ZNF483: variants seen among roughly 807,000 people sequenced by gnomAD.
ZNF483 encodes zinc finger protein HIT-10.
In ZNF483, 9 loss-of-function variants were observed where a neutral mutation model predicts 28.6. The ratio of observed to expected loss-of-function variants is 0.32; its 90% CI spans 0.19 to 0.55. The LOEUF (loss-of-function observed/expected upper bound fraction) is 0.55. Ranked by LOEUF, ZNF483 falls within the 20% of genes least tolerant of loss-of-function variation. The pLI is 0.93. For missense variants in ZNF483, 675 were observed against 871.7 expected, an observed-to-expected ratio of 0.77 and a Z score of 2.84; for synonymous variants, 322 against 306.2, an observed-to-expected ratio of 1.05 and a Z score of -0.54.
chr9:111,565,634 C>T (rs1324479158), intron 5 of ZNF483, among the ~76,000 whole-genome samples: 2 of 152,088 alleles, frequency 1.3e-5, no homozygotes. Context: ...GGTGATCCTC[C>T]CACCTCAGCC....
chr9:111,557,190 G>A (rs536348220), downstream of ZNF483, among the ~76,000 whole-genome samples: 9 of 152,066 alleles, frequency 5.9e-5, no homozygotes, highest in Admixed American at 2.6e-4. Context: ...AATGGCTAAC[G>A]GGGTGAAACT....
At chr9:111,576,537 TG>T (rs1829062982) in exon 6 of ZNF483, 1 of 1,333,858 alleles carries the variant, frequency 7.5e-7, no homozygotes, top group Non-Finnish European at 1.0e-6. Context: ...ATCCCAACTC[TG>T]GGGGTATTAG....
Position 111,545,318 on chromosome 9 carries a change from C to A in ZNF483, c.*2148C>A, listed in dbSNP as rs1589277875. 6.6e-6 allele frequency among the ~76,000 whole-genome samples: 1 copy of A among 152,106 alleles called. No homozygotes were observed. The highest frequency in any genetic ancestry group is 1.5e-5 in the Non-Finnish European group (1 of 68,020). Reference sequence around the variant, plus strand: ...ATAACGTAAAAGTCTTCAGAAGAGGCTTGTTCCAAGATGATTACTCTTAGA... The same window carrying A: ...ATAACGTAAAAGTCTTCAGAAGAGGATTGTTCCAAGATGATTACTCTTAGA... On this transcript the variant is annotated 3_prime_UTR_variant, in exon 6 of 6. Coordinates refer to ENST00000309235, the MANE Select transcript of ZNF483 (RefSeq NM_133464.5).
Position 111,544,310 on chromosome 9 carries a change from T to G in ZNF483, c.*1140T>G, listed in dbSNP as rs1183340468. ...GTGTAAACATTCTGTGTGGCAACAGTTAAAAGCTGTTATAACAATTTGCTT... is the reference window on the plus strand; with the variant it reads ...GTGTAAACATTCTGTGTGGCAACAGGTAAAAGCTGTTATAACAATTTGCTT... On this transcript the variant is annotated 3_prime_UTR_variant, in exon 6 of 6. Coordinates refer to ENST00000309235, the MANE Select transcript of ZNF483 (RefSeq NM_133464.5). The G allele has an allele frequency of 1.0e-6, 1 of 985,124 alleles. No homozygotes were observed. The highest frequency in any genetic ancestry group is 1.8e-5 in the African/African-American group (1 of 57,134). The allele number at this position is 985,124 out of a possible 1,614,324, so 61.0% of individuals were successfully genotyped here.
At chr9:111,530,482 A>G (rs1201832921) in intron 2 of ZNF483, among the ~76,000 whole-genome samples, 2 of 152,020 alleles carry the variant, frequency 1.3e-5, no homozygotes, top group Admixed American at 6.6e-5. Flanking sequence ...TTGTTGGTCA[A>G]AAGCCCTGGA....
At position 111,563,279 on chromosome 9, in the gene ZNF483, A is replaced by G. The variant is rs750147445; in HGVS notation, c.722-13086A>G. The G allele has an allele frequency of 1.3e-5, 20 of 1,542,060 alleles. No individual in the cohort carries two copies. The Admixed American group carries it at 1.8e-4, about 14-fold the overall frequency. ...TTTAAAACTTAATTTAATATTCTCA[A>G]TGATATACTGTTCTCATCCTAGCAA... On this transcript the variant is annotated intron_variant, in intron 5 of 5. Coordinates refer to the ZNF483 transcript ENST00000358151.
chr9:111,568,872 G>A lies in ZNF483; in HGVS notation c.722-7493G>A, dbSNP rs185895444. Among the ~76,000 whole-genome samples, 422 of 152,272 alleles carry A rather than the reference G, an allele frequency of 2.8e-3. 2 individuals carry two copies. Among genetic ancestry groups the A allele is most frequent in the Non-Finnish European group, 4.5e-3 (305 of 68,020 alleles). On this transcript the variant is annotated intron_variant, in intron 5 of 5. Coordinates refer to the ZNF483 transcript ENST00000358151. ...CTAGAAGGCATGGTGCCTGGACCAG[G>A]GTGGTAGCAGGGAGGTGGGAGAAGT...
At chr9:111,530,258 C>G (rs1359414270) in intron 2 of ZNF483, among the ~76,000 whole-genome samples, 1 of 152,162 alleles carries the variant, frequency 6.6e-6, no homozygotes, top group Non-Finnish European at 1.5e-5. Context: ...GATAGCTAAC[C>G]ACGTGGCAGT....
chr9:111,534,130 C>G (rs1426560620), intron 4 of ZNF483, 131 bp from the exon 5 acceptor site: 2 of 842,270 alleles, frequency 2.4e-6, no homozygotes, highest in South Asian at 1.7e-5. Flanking sequence ...GTCTCAAGTT[C>G]CAGTATTTAT....
At chr9:111,537,256 C>G (rs964294821) in intron 5 of ZNF483, among the ~76,000 whole-genome samples, 4 of 151,762 alleles carry the variant, frequency 2.6e-5, no homozygotes, top group South Asian at 2.1e-4. Context: ...GAGTCTCACT[C>G]TGTCACGCAG....
chr9:111,535,893 T>TA (rs1431688636), intron 5 of ZNF483, among the ~76,000 whole-genome samples: 1 of 143,212 alleles, frequency 7.0e-6, no homozygotes, highest in Non-Finnish European at 1.5e-5. Flanking sequence ...TTATATATAT[T>TA]ATTATTCTTT....
rs1189896190 is a variant in ZNF483 at position 111,549,348 on chromosome 9, T to C, written c.*6178T>C. On this transcript the variant is annotated 3_prime_UTR_variant, in exon 6 of 6. Transcript: ENST00000309235. ...TCTCCCTTGTGTGGAAATGTTAGTG[T>C]CTATAAAGGTCTGAACTAAGAAAGC... is the stretch of plus-strand genomic sequence containing the variant. Among the ~76,000 whole-genome samples the C allele has an allele frequency of 6.6e-6, 1 of 152,190 alleles. No individual in the cohort carries two copies. The highest frequency in any genetic ancestry group is 1.5e-5 in the Non-Finnish European group (1 of 68,034).
rs2132261287 is a variant in ZNF483 at position 111,543,760 on chromosome 9, C to A, written c.*590C>A. 72 of 882,532 alleles carry A rather than the reference C, an allele frequency of 8.2e-5. No individual in the cohort carries two copies. The highest frequency in any genetic ancestry group is 5.8e-4 in the Middle Eastern group (1 of 1,728). 54.7% of individuals were successfully genotyped at this position (882,532 alleles called of 1,614,324 possible). A position where few individuals can be genotyped will look rare whatever the true frequency, so the allele number is the denominator to read the frequency against. ...TACCACTATTCAGGATGCTGGACTT[C>A]TTTTCTTTTTTTTTTCTTTTTTTTT... On this transcript the variant is annotated 3_prime_UTR_variant, in exon 6 of 6. Coordinates refer to ENST00000309235, the MANE Select transcript of ZNF483 (RefSeq NM_133464.5).
At chr9:111,528,575 A>G (rs1827239347) in intron 2 of ZNF483, among the ~76,000 whole-genome samples, 1 of 152,138 alleles carries the variant, frequency 6.6e-6, no homozygotes, top group African/African-American at 2.4e-5. Context: ...AATATGATAC[A>G]AATATTTGTA....
chr9:111,577,089 T>C (rs1273807427), exon 6 of ZNF483: 3 of 145,492 alleles, frequency 2.1e-5, no homozygotes, highest in Non-Finnish European at 4.5e-5. Flanking sequence ...AAAAACTGTC[T>C]CAAAAAAAAA....
chr9:111,549,670 C>A lies in ZNF483; in HGVS notation c.*6500C>A. 6.7e-7 allele frequency: 1 copy of A among 1,481,648 alleles called. No homozygotes were observed. The highest frequency in any genetic ancestry group is 9.1e-7 in the Non-Finnish European group (1 of 1,095,292). The allele number at this position is 1,481,648 out of a possible 1,614,324, so 91.8% of individuals were successfully genotyped here. A position where few individuals can be genotyped will look rare whatever the true frequency, so the allele number is the denominator to read the frequency against. ...TGGTGGCAGCGGCAGCAGGGTTCCCCATTGATTTTCTAAATGTTTGTAGTC... is the reference window on the plus strand; with the variant it reads ...TGGTGGCAGCGGCAGCAGGGTTCCCAATTGATTTTCTAAATGTTTGTAGTC... On this transcript the variant is annotated 3_prime_UTR_variant, in exon 6 of 6. Coordinates refer to ENST00000309235, the MANE Select transcript of ZNF483 (RefSeq NM_133464.5).
At chr9:111,561,460 G>A (rs532920957) in intron 5 of ZNF483, among the ~76,000 whole-genome samples, 6 of 151,986 alleles carry the variant, frequency 3.9e-5, no homozygotes, top group African/African-American at 1.4e-4. Flanking sequence ...TTTTGCAGAT[G>A]TGGGGTATTG....
At chr9:111,525,762 CG>C in intron 1 of ZNF483, among the ~76,000 whole-genome samples, 1 of 152,124 alleles carries the variant, frequency 6.6e-6, no homozygotes, top group African/African-American at 2.4e-5. Context: ...TCTTAGTCAT[CG>C]CGGAGCCCCA....
intron 5 of ZNF483, chr9:111,539,573 G>A: frequency 2.4e-6 from 1 of 408,526 alleles, no homozygotes; most frequent in Non-Finnish European, 4.9e-6. Context: ...AGACCAGCCT[G>A]ACCAACATGG....
Sources: allele counts gnomAD v4.1 joint callset (sites outside exome capture counted in the v4.1 genomes callset), GRCh38; gene constraint gnomAD v4.1.1; transcripts MANE v1.5; gene names NCBI Gene and HGNC (gene_info 2026-07-23, HGNC 2026-07-21).